The following FBXW7 variants were observed in gnomAD, a reference collection of about 807,000 sequenced individuals.
FBXW7 encodes F-box and WD repeat domain containing 7.
Under a neutral mutation model 86.3 loss-of-function variants are expected in FBXW7, and 11 were observed. That is an observed-to-expected ratio of 0.13 (90% CI 0.08 to 0.21). FBXW7 has a LOEUF of 0.21. Ranked by LOEUF, FBXW7 falls within the 10% of genes least tolerant of loss-of-function variation. The probability of loss-of-function intolerance (pLI) is 1.00; values close to 1 mark genes in which losing one functional copy is unlikely to be tolerated. For missense variants in FBXW7, 488 were observed against 847.4 expected, an observed-to-expected ratio of 0.58 and a Z score of 5.27; for synonymous variants, 313 against 297.9, an observed-to-expected ratio of 1.05 and a Z score of -0.52.
intron 4 of FBXW7, among the ~76,000 whole-genome samples, chr4:152,401,832 T>C (rs1159090710): frequency 6.6e-6 from 1 of 152,136 alleles, no homozygotes; most frequent in Non-Finnish European, 1.5e-5. Flanking sequence ...CTAAAACTAA[T>C]CTAAAAATTA....
chr4:152,364,523 A>G (rs1239828821), intron 4 of FBXW7, among the ~76,000 whole-genome samples: 2 of 152,180 alleles, frequency 1.3e-5, no homozygotes, highest in African/African-American at 4.8e-5. Flanking sequence ...ACCCAAATAC[A>G]CTTAATAAGG....
intron 4 of FBXW7, among the ~76,000 whole-genome samples, chr4:152,396,515 G>A (rs1451714588): frequency 6.6e-6 from 1 of 151,922 alleles, no homozygotes; most frequent in Non-Finnish European, 1.5e-5. Flanking sequence ...CTCCAGACAC[G>A]TGTTAAAGAC....
At chr4:152,522,431 CAT>C (rs2149733240) in intron 2 of FBXW7, among the ~76,000 whole-genome samples, 1 of 152,290 alleles carries the variant, frequency 6.6e-6, no homozygotes, top group Non-Finnish European at 1.5e-5. Context: ...GAAGCCTATC[CAT>C]GTCTGTGACT....
At position 152,411,340 on chromosome 4, in the gene FBXW7, T is replaced by G. The variant is rs200825042; in HGVS notation, c.464A>C (p.His155Pro). 6.2e-7 allele frequency: 1 copy of G among 1,612,186 alleles called. No individual in the cohort carries two copies. Among genetic ancestry groups the G allele is most frequent in the Non-Finnish European group, 8.5e-7 (1 of 1,179,084 alleles). ...TGTATAGAATGGGGAGGAGAGTTGG[T>G]GAACGGGCAGGTCCACAATACTACT... ...NSSSIVDLPVHQLSSPFYTKT... is the reference protein window; with the variant it reads ...NSSSIVDLPVPQLSSPFYTKT... The change falls in exon 4 of 14, where the codon CAC becomes CCC. Residue 155 changes from histidine to proline, a missense_variant. His to Pro is a moderately conservative substitution (Grantham distance 77). Transcript: ENST00000281708.
rs928562914 is a variant in FBXW7, at chr4:152,535,828, C to T, written c.-914G>A. 7.6e-6 allele frequency: 3 copies of T among 393,062 alleles called. No individual in the cohort carries two copies. Among genetic ancestry groups the T allele is most frequent in the South Asian group, 1.2e-4 (1 of 8,664 alleles). The allele number at this position is 393,062 out of a possible 1,614,324, so 24.3% of individuals were successfully genotyped here. A position where few individuals can be genotyped will look rare whatever the true frequency, so the allele number is the denominator to read the frequency against. On this transcript the variant is annotated 5_prime_UTR_variant, in exon 1 of 14. Transcript: ENST00000281708. ...GCCGGCTCCGGCTCAGGCTCGGGCT[C>T]CGGCTCTGGCTCCGGCTCCGGCGTG...
chr4:152,353,047 G>A (rs1314815408), intron 4 of FBXW7: 7 of 1,135,734 alleles, frequency 6.2e-6, no homozygotes, highest in Non-Finnish European at 7.6e-6. Context: ...CTTTCAAGAG[G>A]TTATTTTTGT....
intron 4 of FBXW7, among the ~76,000 whole-genome samples, chr4:152,366,263 T>C (rs552164923): frequency 2.0e-5 from 3 of 152,250 alleles, no homozygotes; most frequent in East Asian, 3.9e-4. Flanking sequence ...ACAAATTAAA[T>C]TGGAAGAAAA....
chr4:152,393,965 T>C (rs1186456177), intron 4 of FBXW7, among the ~76,000 whole-genome samples: 2 of 152,124 alleles, frequency 1.3e-5, no homozygotes, highest in African/African-American at 2.4e-5. Flanking sequence ...CTTCCTGCAT[T>C]TCATATAATT....
At chr4:152,520,999 T>C (rs1748960619) in intron 2 of FBXW7, among the ~76,000 whole-genome samples, 1 of 152,146 alleles carries the variant, frequency 6.6e-6, no homozygotes, top group Non-Finnish European at 1.5e-5. Flanking sequence ...GACAAGATAA[T>C]GTGTGGTCTC....
rs6820601 is a variant in FBXW7, at chr4:152,454,261, C to G, written c.-119-41732G>C. On this transcript the variant is annotated intron_variant, in intron 2 of 13. Transcript: ENST00000281708. ...AGAGTAACTCTCTAAGCCCCCCCCCCCTTTTTTTTTTTTTTCCACGCCAAT... is the reference window on the plus strand; with the variant it reads ...AGAGTAACTCTCTAAGCCCCCCCCCGCTTTTTTTTTTTTTTCCACGCCAAT... Among the ~76,000 whole-genome samples, 250 of 129,568 alleles carry G rather than the reference C, an allele frequency of 1.9e-3. 3 individuals carry two copies. The highest frequency in any genetic ancestry group is 8.7e-3 in the East Asian group (33 of 3,794). 85.0% of individuals were successfully genotyped at this position (129,568 alleles called of 152,430 possible).
intron 2 of FBXW7, among the ~76,000 whole-genome samples, chr4:152,426,340 T>C (rs565462799): frequency 6.8e-6 from 1 of 147,982 alleles, no homozygotes; most frequent in South Asian, 2.1e-4. Context: ...TTTCCAGAGA[T>C]AATGGCTACA....
chr4:152,407,463 G>A (rs1337218743), intron 4 of FBXW7, among the ~76,000 whole-genome samples: 1 of 152,166 alleles, frequency 6.6e-6, no homozygotes, highest in Non-Finnish European at 1.5e-5. Flanking sequence ...CTAGGCCAGG[G>A]ACTTTCTGAA....
chr4:152,402,412 G>A (rs1737025485), intron 4 of FBXW7, among the ~76,000 whole-genome samples: 1 of 152,156 alleles, frequency 6.6e-6, no homozygotes, highest in Non-Finnish European at 1.5e-5. Context: ...ATATACCACA[G>A]TAACAGAGAT....
rs533623378 is a variant in FBXW7 at position 152,397,259 on chromosome 4, A to C, written c.501+14044T>G. Among the ~76,000 whole-genome samples the C allele has an allele frequency of 4.6e-5, 7 of 152,130 alleles. No homozygotes were observed. In the South Asian group the frequency reaches 1.2e-3, roughly 27 times the overall value. ...AATTAATAATGAAAAGTGCTGTCTA[A>C]AGTATATCTAAGGAAGAAATTAAAA... On this transcript the variant is annotated intron_variant, in intron 4 of 13. Transcript: ENST00000281708.
At chr4:152,533,013 C>A (rs1327223952) in intron 2 of FBXW7, among the ~76,000 whole-genome samples, 1 of 152,124 alleles carries the variant, frequency 6.6e-6, no homozygotes, top group East Asian at 1.9e-4. Context: ...ATGGTGAAAC[C>A]CCATCTCTAC....
chr4:152,483,151 T>C (rs1409257361), intron 2 of FBXW7, among the ~76,000 whole-genome samples: 2 of 152,192 alleles, frequency 1.3e-5, no homozygotes, highest in Non-Finnish European at 2.9e-5. Context: ...TGTACATATA[T>C]CTTTATGCAT....
intron 4 of FBXW7, among the ~76,000 whole-genome samples, chr4:152,369,606 T>G (rs1275071612): frequency 3.9e-5 from 6 of 152,018 alleles, no homozygotes; most frequent in African/African-American, 1.4e-4. Flanking sequence ...GAAAAAAAGA[T>G]GTACCAATTA....
intron 2 of FBXW7, among the ~76,000 whole-genome samples, chr4:152,459,088 T>C (rs80027843): frequency 6.6e-6 from 1 of 151,900 alleles, no homozygotes; most frequent in East Asian, 1.9e-4. Flanking sequence ...CTAGGAGAGG[T>C]GAGGAGCCCT....
intron 4 of FBXW7, among the ~76,000 whole-genome samples, chr4:152,357,395 A>T (rs1239024572): frequency 1.3e-5 from 2 of 151,572 alleles, no homozygotes; most frequent in African/African-American, 2.4e-5. Flanking sequence ...ATCTCGGCTC[A>T]TTGCAACCTC....
Sources: allele counts gnomAD v4.1 joint callset (sites outside exome capture counted in the v4.1 genomes callset), GRCh38; gene constraint gnomAD v4.1.1; transcripts MANE v1.5; gene names NCBI Gene and HGNC (gene_info 2026-07-23, HGNC 2026-07-21).